SNHG17: variants seen among roughly 807,000 people sequenced by gnomAD.
SNHG17 encodes small nucleolar RNA host gene 17, also known as small nucleolar RNA host gene 17 (non-protein coding).
chr20:38,423,058 C>T (rs891075543), intron 5 of SNHG17, among the ~76,000 whole-genome samples: 2 of 151,486 alleles, frequency 1.3e-5, no homozygotes, highest in African/African-American at 4.9e-5. Flanking sequence ...CACCACTGCA[C>T]TCCAGCCTGG....
At chr20:38,432,007 A>G in intron 2 of SNHG17, 1 of 985,350 alleles carries the variant, frequency 1.0e-6, no homozygotes, top group Non-Finnish European at 1.2e-6. Flanking sequence ...ATAGAACACC[A>G]TGGTCCACCT....
intron 3 of SNHG17, among the ~76,000 whole-genome samples, chr20:38,426,916 C>T (rs2084257290): frequency 6.7e-6 from 1 of 149,624 alleles, no homozygotes; most frequent in Admixed American, 6.7e-5. Context: ...TTACGACAAA[C>T]CCTTCAGGAC....
rs182373288 is a variant in SNHG17 at position 38,426,803 on chromosome 20, G to A, written n.381-300C>T. Among the ~76,000 whole-genome samples, 1,084 of 150,772 alleles carry A rather than the reference G, an allele frequency of 7.2e-3. 51 individuals carry two copies. Among genetic ancestry groups the A allele is most frequent in the African/African-American group, 0.024 (982 of 41,064 alleles). ...AGTGACACCAATGCACACCTCAGAG[G>A]GTCGAGAGAACAGGCGAAACTCTTG... On this transcript the variant is annotated intron_variant and non_coding_transcript_variant, in intron 3 of 8. Transcript: ENST00000654008.
At chr20:38,427,238 C>G (rs562419086) in intron 3 of SNHG17, 60 of 416,012 alleles carry the variant, frequency 1.4e-4, no homozygotes, top group African/African-American at 9.0e-4. Flanking sequence ...GATGCCCCCC[C>G]GCACTGACTT....
intron 5 of SNHG17, chr20:38,425,024 C>A: frequency 3.1e-6 from 1 of 321,984 alleles, no homozygotes; most frequent in East Asian, 7.6e-5. Context: ...ATCCAGCCCC[C>A]CACCACTAGA....
At chr20:38,433,276 C>T (rs964627286) in intron 2 of SNHG17, among the ~76,000 whole-genome samples, 2 of 152,158 alleles carry the variant, frequency 1.3e-5, no homozygotes. Flanking sequence ...GCACCCGGCC[C>T]ATCTCCTGTT....
chr20:38,424,799 AAC>A (rs1439801924), intron 5 of SNHG17, among the ~76,000 whole-genome samples: 1 of 152,138 alleles, frequency 6.6e-6, no homozygotes, highest in African/African-American at 2.4e-5. Context: ...CAGAGACATA[AAC>A]TCAGTGTGGC....
At chr20:38,434,989 G>A (rs1055385909) in intron 1 of SNHG17, 3 of 1,229,458 alleles carry the variant, frequency 2.4e-6, no homozygotes, top group African/African-American at 3.1e-5. Flanking sequence ...ACCGCACGTG[G>A]CCCGCTCAGC....
chr20:38,432,974 T>A (rs981556496), intron 2 of SNHG17, among the ~76,000 whole-genome samples: 16 of 151,724 alleles, frequency 1.1e-4, no homozygotes, highest in Middle Eastern at 3.4e-3. Flanking sequence ...CCAGCTCCTG[T>A]TTTTTGTTTT....
intron 3 of SNHG17, among the ~76,000 whole-genome samples, chr20:38,430,548 G>A (rs2084325551): frequency 6.6e-6 from 1 of 152,124 alleles, no homozygotes; most frequent in African/African-American, 2.4e-5. Context: ...CTTGAACCCG[G>A]GAGGCAGAGG....
At chr20:38,427,445 A>C in intron 3 of SNHG17, 1 of 514,992 alleles carries the variant, frequency 1.9e-6, no homozygotes, top group South Asian at 1.4e-5. Context: ...ATGCAGGAGC[A>C]GAAACAGACA....
chr20:38,435,058 C>A, intron 1 of SNHG17: 3 of 1,231,886 alleles, frequency 2.4e-6, no homozygotes, highest in Non-Finnish European at 2.0e-6. Context: ...ACACGCGAAT[C>A]CTGGGGGGCT....
At chr20:38,423,092 C>CA (rs760496901) in intron 5 of SNHG17, among the ~76,000 whole-genome samples, 2,722 of 136,646 alleles carry the variant, frequency 0.02, 35 homozygotes, top group Middle Eastern at 0.043. Flanking sequence ...AACTCCATCT[C>CA]AAAAAAAAAA....
intron 5 of SNHG17, among the ~76,000 whole-genome samples, chr20:38,423,666 T>G (rs1600753254): frequency 6.6e-6 from 1 of 151,206 alleles, no homozygotes; most frequent in East Asian, 2.0e-4. Context: ...GTAGCAGATA[T>G]ACAGGATGAG....
At chr20:38,422,444 T>C (rs995070875) in intron 5 of SNHG17, among the ~76,000 whole-genome samples, 2 of 152,190 alleles carry the variant, frequency 1.3e-5, no homozygotes, top group East Asian at 3.8e-4. Context: ...CTGTCTCTAT[T>C]AGTACTTACA....
chr20:38,430,624 AAAAT>A (rs201008178), intron 3 of SNHG17, among the ~76,000 whole-genome samples: 3 of 152,104 alleles, frequency 2.0e-5, no homozygotes, highest in Non-Finnish European at 2.9e-5. Context: ...TCTGTCTCAA[AAAAT>A]AAATAAATAA....
intron 3 of SNHG17, among the ~76,000 whole-genome samples, chr20:38,430,379 C>G (rs2084322302): frequency 6.6e-6 from 1 of 151,966 alleles, no homozygotes; most frequent in African/African-American, 2.4e-5. Flanking sequence ...CCTGTAATCA[C>G]AGCACTTTGG....
intron 2 of SNHG17, among the ~76,000 whole-genome samples, chr20:38,433,026 G>A (rs2084363143): frequency 6.6e-6 from 1 of 152,162 alleles, no homozygotes; most frequent in Admixed American, 6.5e-5. Context: ...AGGCTGGAGT[G>A]CAGGGGCATG....
At chr20:38,433,307 C>G (rs2084368750) in intron 2 of SNHG17, among the ~76,000 whole-genome samples, 1 of 152,110 alleles carries the variant, frequency 6.6e-6, no homozygotes, top group African/African-American at 2.4e-5. Context: ...TCCATAACTG[C>G]TGAAAATCAA....
Sources: allele counts gnomAD v4.1 joint callset (sites outside exome capture counted in the v4.1 genomes callset), GRCh38; gene constraint gnomAD v4.1.1; transcripts MANE v1.5; gene names NCBI Gene and HGNC (gene_info 2026-07-23, HGNC 2026-07-21).